Variants in NR2E3 observed in about 807,000 individuals in gnomAD.
NR2E3 encodes photoreceptor-specific nuclear receptor.
NR2E3 carries 38 observed loss-of-function variants against 37.6 expected under a neutral mutation model. The observed-to-expected ratio is 1.01, with a 90% confidence interval of 0.78 to 1.33. NR2E3 has a LOEUF of 1.33. Among genes scored for constraint, NR2E3 ranks in the 40% most tolerant of loss-of-function variants. NR2E3 has a pLI of 0.00. For missense variants in NR2E3, 562 were observed against 558.7 expected (o/e 1.01, Z -0.06); for synonymous variants, 235 against 225.1 (o/e 1.04, Z -0.39).
chr15:71,810,957 C>T (rs2054173774), intron 1 of NR2E3, 96 bp downstream of exon 1: 2 of 1,311,928 alleles, frequency 1.5e-6, no homozygotes, highest in Non-Finnish European at 2.0e-6. Flanking sequence ...GCCAGAACAA[C>T]TCAGACCCAG....
intron 7 of NR2E3, among the ~76,000 whole-genome samples, chr15:71,816,257 C>CTTTTTTTTT (rs59789846): frequency 8.2e-6 from 1 of 121,992 alleles, no homozygotes; most frequent in Non-Finnish European, 1.7e-5. Context: ...TTAGCAAATA[C>CTTTTTTTTT]TTTTTTTTTT....
intron 7 of NR2E3, among the ~76,000 whole-genome samples, chr15:71,817,146 T>TGGA (rs1201171820): frequency 6.8e-6 from 1 of 147,794 alleles, no homozygotes; most frequent in Non-Finnish European, 1.5e-5. Flanking sequence ...TAGCCGAGGC[T>TGGA]GGAGTGCAGT....
chr15:71,817,679 A>C lies in NR2E3; in HGVS notation c.1228A>C (p.Asn410His), dbSNP rs778743035. Residue 410 changes from asparagine to histidine, a missense_variant, in exon 8 of 8, where the codon AAC (asparagine) becomes CAC (histidine). Transcript: ENST00000617575. ...GAAGCTCCTTTGTGATATGTTCAAA[A>C]ACTAGTGGGGGTGGAGGTGAAATGT... ...MEKLLCDMFK[N>H] The C allele has an allele frequency of 6.3e-7, 1 of 1,597,636 alleles. No individual in the cohort carries two copies. Among genetic ancestry groups the C allele is most frequent in the Non-Finnish European group, 8.6e-7 (1 of 1,166,454 alleles).
At chr15:71,814,829 T>C (rs2054215063) in intron 7 of NR2E3, 4 of 985,526 alleles carry the variant, frequency 4.1e-6, no homozygotes, top group African/African-American at 3.5e-5. Context: ...TTCTGATCTT[T>C]GGGCATGGCC....
rs2054176278 is a variant in NR2E3, at chr15:71,811,268, G to A, written c.119-215G>A. ...ACTCTTGCTGAAAATTGGCCATTGA[G>A]GGAGGAGAGAGGGCAAGGAATGGGG... On this transcript the variant is annotated intron_variant, in intron 1 of 7. Coordinates refer to ENST00000617575, the MANE Select transcript of NR2E3 (RefSeq NM_014249.4). This position sits in a 1 kb window ranked among gnomAD's most constrained non-coding sequence, Gnocchi z 5.6. 6.6e-6 allele frequency among the ~76,000 whole-genome samples: 1 copy of A among 152,048 alleles called. No individual in the cohort carries two copies. The highest frequency in any genetic ancestry group is 1.5e-5 in the Non-Finnish European group (1 of 67,966).
Position 71,812,089 on chromosome 15 carries a change from C to T in NR2E3, c.484C>T (p.Pro162Ser), listed in dbSNP as rs1567160070. The T allele has an allele frequency of 1.9e-6, 3 of 1,554,718 alleles. No individual in the cohort carries two copies. The East Asian group carries it at 7.3e-5, about 38-fold the overall frequency. The change falls in exon 4 of 8, where the codon CCC becomes TCC. Residue 162 changes from proline (P) to serine (S), a missense_variant. Physicochemically the swap from Pro to Ser is moderately conservative, Grantham distance 74. Coordinates refer to ENST00000617575, the MANE Select transcript of NR2E3 (RefSeq NM_014249.4). ...PAGRSPRGPT[P>S]MSAARALGHH... ...AGGGCGCAGCCCACGGGGCCCCACA[C>T]CCATGTCTGCAGCCAGAGCCCTGGG...
At position 71,817,542 on chromosome 15, in the gene NR2E3, T is replaced by C. The variant is rs763647845; in HGVS notation, c.1101-10T>C. 1.8e-5 allele frequency: 28 copies of C among 1,584,468 alleles called. No homozygotes were observed. In the Admixed American group the frequency reaches 4.7e-4, roughly 27 times the overall value. ...GTCGTAAAACTGATGGCGTCCTCTC[T>C]CCTGTTCAGGTTTGGGAAATTGCTC... On this transcript the variant is annotated splice_polypyrimidine_tract_variant and intron_variant, in intron 7 of 7. Transcript: ENST00000617575.
chr15:71,815,688 C>G (rs1263028613), intron 7 of NR2E3, among the ~76,000 whole-genome samples: 1 of 152,210 alleles, frequency 6.6e-6, no homozygotes, highest in Non-Finnish European at 1.5e-5. Context: ...TTAAAAACTG[C>G]AACACCCAGG....
At position 71,812,509 on chromosome 15, in the gene NR2E3, C is replaced by G. The variant is rs1318519862; in HGVS notation, c.745C>G (p.Gln249Glu). 6.2e-7 allele frequency: 1 copy of G among 1,607,082 alleles called. No homozygotes were observed. Among genetic ancestry groups the G allele is most frequent in the Admixed American group, 1.7e-5 (1 of 59,660 alleles). ...PVFSSLPFRD[Q>E]VILLEEAWSE... Reference sequence around the variant, plus strand: ...GTTCTCCAGCCTGCCCTTCCGGGATCAGGTACCTACCGGCCTGCCTGCTGG... The same window carrying G: ...GTTCTCCAGCCTGCCCTTCCGGGATGAGGTACCTACCGGCCTGCCTGCTGG... Residue 249 changes from glutamine (Q) to glutamate (E), a missense_variant and splice_region_variant, in exon 5 of 8, where the codon CAG becomes GAG. Coordinates refer to ENST00000617575, the MANE Select transcript of NR2E3 (RefSeq NM_014249.4).
chr15:71,811,668 G>A lies in NR2E3; in HGVS notation c.245+59G>A. The stretch of plus-strand genomic sequence containing the variant: ...CTGAGGGGTTCTGGAGGGGTGAGGG[G>A]GTGCTCAGGGGAAGAGGGGCTTGGG... On this transcript the variant is annotated intron_variant, in intron 2 of 7. Transcript: ENST00000617575. This position sits in a 1 kb window ranked among gnomAD's most constrained non-coding sequence, Gnocchi z 5.6. 1 of 1,574,340 alleles carries A rather than the reference G, an allele frequency of 6.4e-7. No homozygotes were observed. The highest frequency in any genetic ancestry group is 8.6e-7 in the Non-Finnish European group (1 of 1,159,240).
At position 71,813,320 on chromosome 15, in the gene NR2E3, G is replaced by A. The variant is rs1254984500; in HGVS notation, c.748-69G>A. ...CCATTCCTTGGGTGCCTGAGATGGT[G>A]GCAGAGGCTCCAGACTGAGCCAGAG... On this transcript the variant is annotated intron_variant, in intron 5 of 7. Coordinates refer to ENST00000617575, the MANE Select transcript of NR2E3 (RefSeq NM_014249.4). The surrounding 1 kb of genome is among the most constrained non-coding windows in gnomAD (Gnocchi z 4.7). 10 of 1,561,120 alleles carry A rather than the reference G, an allele frequency of 6.4e-6. No homozygotes were observed. In the African/African-American group the frequency reaches 1.4e-4, roughly 21 times the overall value.
Position 71,814,662 on chromosome 15 carries a change from G to A in NR2E3, c.1100+545G>A, listed in dbSNP as rs970291518. 1.8e-5 allele frequency: 18 copies of A among 980,170 alleles called. No homozygotes were observed. In the African/African-American group the frequency reaches 2.6e-4, roughly 14 times the overall value. 60.7% of individuals were successfully genotyped at this position (980,170 alleles called of 1,614,324 possible). A position where few individuals can be genotyped will look rare whatever the true frequency, so the allele number is the denominator to read the frequency against. On this transcript the variant is annotated intron_variant, in intron 7 of 7. Transcript: ENST00000617575. ...ACTTTGAATGCCAGCCAAAGGCCAC[G>A]TCTGACTTGGGAGGCAGAGGGCAGC...
intron 7 of NR2E3, chr15:71,814,377 T>C: frequency 8.0e-7 from 1 of 1,256,714 alleles, no homozygotes; most frequent in South Asian, 2.8e-5. Context: ...AGCCAGGTAC[T>C]GAGGGTTGCA....
In NR2E3 at chr15:71,810,783, GCTGCAGCTGCGC is replaced by G. The variant is rs1309775709; in HGVS notation, c.50_61del (p.Ala17_Ala20del). ...AACAGCTCTGATGAGCTCCACAGTG[GCTGCAGCTGCGC>G]CTGCAGCTGGGGCTGCCTCCAGGAA... On this transcript the variant is annotated inframe_deletion, in exon 1 of 8. Transcript: ENST00000617575. 1.0e-5 allele frequency: 16 copies of G among 1,576,344 alleles called. No individual in the cohort carries two copies. The highest frequency in any genetic ancestry group is 1.4e-5 in the Non-Finnish European group (16 of 1,161,918).
At chr15:71,814,900 G>A in intron 7 of NR2E3, 1 of 985,538 alleles carries the variant, frequency 1.0e-6, no homozygotes, top group Admixed American at 6.1e-5. Context: ...TTTGGGTGAA[G>A]GTAAGGAATG....
chr15:71,812,514 A>C lies in NR2E3; in HGVS notation c.747+3A>C. ...CCAGCCTGCCCTTCCGGGATCAGGTACCTACCGGCCTGCCTGCTGGGGAGC... is the reference window on the plus strand; with the variant it reads ...CCAGCCTGCCCTTCCGGGATCAGGTCCCTACCGGCCTGCCTGCTGGGGAGC... On this transcript the variant is annotated splice_donor_region_variant and intron_variant, in intron 5 of 7. Transcript: ENST00000617575. 6.2e-7 allele frequency: 1 copy of C among 1,604,832 alleles called. No individual in the cohort carries two copies. The highest frequency in any genetic ancestry group is 1.7e-5 in the Admixed American group (1 of 59,538).
intron 7 of NR2E3, among the ~76,000 whole-genome samples, chr15:71,817,199 T>C (rs990049098): frequency 2.5e-4 from 38 of 150,972 alleles, no homozygotes; most frequent in South Asian, 4.2e-4. Context: ...CCCGGGTTCA[T>C]GCCATTCTCC....
rs1394845092 is a variant in NR2E3 at position 71,814,108 on chromosome 15, AGCCCGTGAGGTGACCTGAGCATGC to A, written c.1096_1100+19del. The A allele has an allele frequency of 1.2e-6, 2 of 1,610,762 alleles. No homozygotes were observed. The highest frequency in any genetic ancestry group is 2.7e-5 in the African/African-American group (2 of 74,898). ...CACAGCAAGGCCCACCACCCCAGCC[AGCCCGTGAGGTGACCTGAGCATGC>A]GCCCACCCACTCATCTGTCCCTGAC... On this transcript the variant is annotated splice_donor_variant and splice_donor_5th_base_variant and coding_sequence_variant and intron_variant, in exon 7 of 8. Coordinates refer to ENST00000617575, the MANE Select transcript of NR2E3 (RefSeq NM_014249.4). LOFTEE classifies it high-confidence loss of function.
At chr15:71,812,270 G>C (rs1417761620) in intron 4 of NR2E3, 66 bp from the exon 5 acceptor site, 2 of 1,611,278 alleles carry the variant, frequency 1.2e-6, no homozygotes, top group African/African-American at 2.7e-5. Flanking sequence ...CTCCCCCGGG[G>C]CTCCAAGTAC....
Sources: gnomAD v4.1 joint callset for allele counts (sites outside exome capture counted in the v4.1 genomes callset) on GRCh38, gnomAD v4.1.1 for gene constraint, Gnocchi (gnomAD v3.1) non-coding constraint, MANE v1.5 for transcripts, NCBI Gene and HGNC (gene_info 2026-07-23, HGNC 2026-07-21) for gene names.